The following TATDN2 variants were observed in gnomAD, a reference collection of about 807,000 sequenced individuals.
The protein encoded by TATDN2 is 3'-5' RNA nuclease TATDN2.
TATDN2 carries 44 observed loss-of-function variants against 60.3 expected under a neutral mutation model. The ratio of observed to expected loss-of-function variants is 0.73; its 90% CI spans 0.57 to 0.94. TATDN2 has a LOEUF of 0.94. TATDN2 is among the 40% of genes least tolerant of loss of function. The pLI, the probability that TATDN2 is intolerant of heterozygous loss-of-function variation, is 0.00. For synonymous variants in TATDN2, 399 were observed against 355.8 expected, an observed-to-expected ratio of 1.12 and a Z score of -1.37; for missense variants, 997 against 948.0, an observed-to-expected ratio of 1.05 and a Z score of -0.68.
At position 10,278,804 on chromosome 3, in the gene TATDN2, G is replaced by C. The variant is rs1698676622; in HGVS notation, c.2146-81G>C. ...GGCAGCCCCAAAGAGGTCCTTGCTGGGGAAGGGACAGGGAGGGAGTTCTAG... is the reference window on the plus strand; with the variant it reads ...GGCAGCCCCAAAGAGGTCCTTGCTGCGGAAGGGACAGGGAGGGAGTTCTAG... On this transcript the variant is annotated intron_variant, in intron 6 of 7. Transcript: ENST00000448281. This position sits in a 1 kb window ranked among gnomAD's most constrained non-coding sequence, Gnocchi z 4.7. 1 of 1,604,124 alleles carries C rather than the reference G, an allele frequency of 6.2e-7. No homozygotes were observed. The highest frequency in any genetic ancestry group is 1.1e-5 in the South Asian group (1 of 90,182).
In TATDN2 at chr3:10,260,345, C is replaced by T; in HGVS notation, c.623C>T (p.Thr208Ile). ...SMPKRKGEAA[T>I]RAKPSAAEHP... ...CCAAAAAGGAAGGGAGAGGCTGCCA[C>T]TCGGGCAAAACCAAGCGCAGCAGAG... Residue 208 changes from threonine to isoleucine, a missense_variant, in exon 3 of 8, where the codon ACT becomes ATT. Coordinates refer to ENST00000448281, the MANE Select transcript of TATDN2 (RefSeq NM_014760.4). 1 of 1,614,176 alleles carries T rather than the reference C, an allele frequency of 6.2e-7. No individual in the cohort carries two copies. Among genetic ancestry groups the T allele is most frequent in the Non-Finnish European group, 8.5e-7 (1 of 1,180,028 alleles).
rs769231452 is a variant in TATDN2, at chr3:10,249,425, C to T, written c.225C>T (p.Arg75=). 3.1e-6 allele frequency: 5 copies of T among 1,613,802 alleles called. No individual in the cohort carries two copies. Among genetic ancestry groups the T allele is most frequent in the African/African-American group, 1.3e-5 (1 of 74,944 alleles). Reference sequence around the variant, plus strand: ...GGAGGTTATCCTGGGGCTCATCCCGCCGCAGAAATAACTCCTCCTCCTCCT... The same window carrying T: ...GGAGGTTATCCTGGGGCTCATCCCGTCGCAGAAATAACTCCTCCTCCTCCT... ...CSRRLSWGSS[R]RRNNSSSSFS... The change falls in exon 2 of 8, where the codon CGC becomes CGT. Residue 75 remains arginine, a synonymous_variant. Coordinates refer to ENST00000448281, the MANE Select transcript of TATDN2 (RefSeq NM_014760.4).
In TATDN2 at chr3:10,249,619, G is replaced by T. The variant is rs1698191434; in HGVS notation, c.414+5G>T. On this transcript the variant is annotated splice_donor_5th_base_variant and intron_variant, in intron 2 of 7. Coordinates refer to ENST00000448281, the MANE Select transcript of TATDN2 (RefSeq NM_014760.4). ...GAGGAAGCCTGCAGCCTTAAGGTAG[G>T]TGGCTGCCACGCTTTGCAATCGGTG... 4.7e-6 allele frequency: 7 copies of T among 1,504,256 alleles called. No individual in the cohort carries two copies. The highest frequency in any genetic ancestry group is 6.2e-6 in the Non-Finnish European group (7 of 1,127,146). The allele number at this position is 1,504,256 out of a possible 1,614,324, so 93.2% of individuals were successfully genotyped here.
intron 2 of TATDN2, among the ~76,000 whole-genome samples, chr3:10,252,084 CT>C (rs1308698178): frequency 7.0e-6 from 1 of 141,960 alleles, no homozygotes; most frequent in Non-Finnish European, 1.5e-5. Flanking sequence ...GGAGGCAGAG[CT>C]TGCAGTGAAC....
chr3:10,276,470 C>T lies in TATDN2; in HGVS notation c.1943C>T (p.Pro648Leu). 2 of 1,614,086 alleles carry T rather than the reference C, an allele frequency of 1.2e-6. No individual in the cohort carries two copies. The highest frequency in any genetic ancestry group is 2.2e-5 in the East Asian group (1 of 44,888). The change falls in exon 5 of 8, where the codon CCT becomes CTT. Residue 648 changes from proline to leucine, a missense_variant. Coordinates refer to ENST00000448281, the MANE Select transcript of TATDN2 (RefSeq NM_014760.4). Reference protein sequence around the residue: ...LLEIMKKFVPPDYKIHRHCFT... With the variant: ...LLEIMKKFVPLDYKIHRHCFT... The stretch of plus-strand genomic sequence containing the variant: ...GAAATCATGAAAAAGTTTGTGCCCC[C>T]TGACTACAAGATCCATAGGTTAGAA...
chr3:10,256,614 CAG>C (rs1698312466), intron 2 of TATDN2, among the ~76,000 whole-genome samples: 1 of 152,072 alleles, frequency 6.6e-6, no homozygotes. Flanking sequence ...TTGAAAGAAA[CAG>C]AATCTCTAAC....
At position 10,272,587 on chromosome 3, in the gene TATDN2, C is replaced by T. The variant is rs1224945045; in HGVS notation, c.1833+1572C>T. Among the ~76,000 whole-genome samples the T allele has an allele frequency of 3.3e-5, 5 of 152,080 alleles. No homozygotes were observed. In the East Asian group the frequency reaches 7.7e-4, roughly 23 times the overall value. ...CTGAGTAGCTGGGATTATAGACTCC[C>T]GCCACCACGCCCAGCTAATTTTTTG... is the stretch of plus-strand genomic sequence containing the variant. On this transcript the variant is annotated intron_variant, in intron 4 of 7. Coordinates refer to ENST00000448281, the MANE Select transcript of TATDN2 (RefSeq NM_014760.4).
chr3:10,252,810 C>T (rs1410197836), intron 2 of TATDN2, among the ~76,000 whole-genome samples: 1 of 151,738 alleles, frequency 6.6e-6, no homozygotes, highest in East Asian at 1.9e-4. Context: ...CTGCCTCAGC[C>T]TCCCAAGTAG....
In TATDN2 at chr3:10,279,143, CAT is replaced by C; in HGVS notation, c.*39-76_*39-75del. Reference sequence around the variant, plus strand: ...ATTTTGTTAATGTAAAGAATATAAACATAGTATGAGCATTAAGCCTGATTTGT... The same window carrying C: ...ATTTTGTTAATGTAAAGAATATAAACAGTATGAGCATTAAGCCTGATTTGT... On this transcript the variant is annotated intron_variant, in intron 7 of 7. Transcript: ENST00000448281. The C allele has an allele frequency of 2.3e-6, 3 of 1,332,178 alleles. No individual in the cohort carries two copies. The Admixed American group carries it at 7.2e-5, about 32-fold the overall frequency. 82.5% of individuals were successfully genotyped at this position (1,332,178 alleles called of 1,614,324 possible).
chr3:10,275,500 C>T (rs1195388157), intron 4 of TATDN2, among the ~76,000 whole-genome samples: 1 of 152,174 alleles, frequency 6.6e-6, no homozygotes, highest in Non-Finnish European at 1.5e-5. Flanking sequence ...GTAATCCCAG[C>T]ACTTTGGGAG....
chr3:10,277,663 G>T (rs1224613427), intron 5 of TATDN2, among the ~76,000 whole-genome samples: 2 of 152,210 alleles, frequency 1.3e-5, no homozygotes, highest in Admixed American at 6.5e-5. Context: ...GAGGCAGTCA[G>T]TTGGCTTTTC....
At position 10,260,373 on chromosome 3, in the gene TATDN2, T is replaced by A. The variant is rs760366340; in HGVS notation, c.651T>A (p.His217Gln). 2 of 1,613,924 alleles carry A rather than the reference T, an allele frequency of 1.2e-6. No individual in the cohort carries two copies. The highest frequency in any genetic ancestry group is 1.7e-6 in the Non-Finnish European group (2 of 1,179,992). ...ATRAKPSAAE[H>Q]PSHGEGPARS... ...GGGCAAAACCAAGCGCAGCAGAGCA[T>A]CCCAGCCATGGAGAAGGACCAGCCA... The change falls in exon 3 of 8, where the codon CAT becomes CAA. Residue 217 changes from histidine to glutamine, a missense_variant. Coordinates refer to ENST00000448281, the MANE Select transcript of TATDN2 (RefSeq NM_014760.4).
chr3:10,271,793 C>G (rs1174009797), intron 4 of TATDN2, among the ~76,000 whole-genome samples: 1 of 149,570 alleles, frequency 6.7e-6, no homozygotes, highest in Non-Finnish European at 1.5e-5. Flanking sequence ...TCACTGCGGC[C>G]TCCACCTCCG....
At position 10,271,024 on chromosome 3, in the gene TATDN2, G is replaced by C. The variant is rs766318675; in HGVS notation, c.1833+9G>C. On this transcript the variant is annotated intron_variant, in intron 4 of 7. Transcript: ENST00000448281. ...TCCCAGAACAGCACAAGGTAACAAG[G>C]CTCTCTTTAGTCTGCTTATAGTTTT... is the stretch of plus-strand genomic sequence containing the variant. 1 of 1,540,816 alleles carries C rather than the reference G, an allele frequency of 6.5e-7. No homozygotes were observed. Among genetic ancestry groups the C allele is most frequent in the Non-Finnish European group, 8.7e-7 (1 of 1,150,218 alleles).
At chr3:10,260,954 A>G (rs1361108294) in intron 3 of TATDN2, among the ~76,000 whole-genome samples, 2 of 152,026 alleles carry the variant, frequency 1.3e-5, no homozygotes, top group Non-Finnish European at 2.9e-5. Context: ...TAAACAGAAT[A>G]TAAGTTTGGC....
In TATDN2 at chr3:10,280,250, C is replaced by T. The variant is rs1698712907; in HGVS notation, c.*1068C>T. On this transcript the variant is annotated 3_prime_UTR_variant, in exon 8 of 8. Coordinates refer to ENST00000448281, the MANE Select transcript of TATDN2 (RefSeq NM_014760.4). Reference sequence around the variant, plus strand: ...TGCAAATGTACCAGTCCTTCTCCCGCATCTCCTGGGTGCCCCCTTGGCTTT... The same window carrying T: ...TGCAAATGTACCAGTCCTTCTCCCGTATCTCCTGGGTGCCCCCTTGGCTTT... 6.5e-6 allele frequency: 1 copy of T among 153,874 alleles called. No individual in the cohort carries two copies. Among genetic ancestry groups the T allele is most frequent in the Non-Finnish European group, 1.5e-5 (1 of 68,120 alleles). 9.5% of individuals were successfully genotyped at this position (153,874 alleles called of 1,614,324 possible).
At chr3:10,257,979 C>A (rs1477790088) in intron 2 of TATDN2, among the ~76,000 whole-genome samples, 2 of 146,682 alleles carry the variant, frequency 1.4e-5, no homozygotes, top group African/African-American at 2.5e-5. Flanking sequence ...TCCTGCCTCA[C>A]CCTCCCGAGT....
intron 2 of TATDN2, among the ~76,000 whole-genome samples, chr3:10,255,651 A>G (rs986909481): frequency 2.6e-5 from 4 of 152,088 alleles, no homozygotes; most frequent in African/African-American, 9.7e-5. Context: ...TTAAGAATTT[A>G]TGACTCCAGG....
At chr3:10,273,831 A>C (rs571309261) in intron 4 of TATDN2, among the ~76,000 whole-genome samples, 1 of 152,234 alleles carries the variant, frequency 6.6e-6, no homozygotes, top group Non-Finnish European at 1.5e-5. Flanking sequence ...CAGATTAACT[A>C]TGTAACTCAT....
Sources: gnomAD v4.1 joint callset for allele counts (sites outside exome capture counted in the v4.1 genomes callset) on GRCh38, gnomAD v4.1.1 for gene constraint, Gnocchi (gnomAD v3.1) non-coding constraint, MANE v1.5 for transcripts, NCBI Gene and HGNC (gene_info 2026-07-23, HGNC 2026-07-21) for gene names.